PRR5: variants seen among roughly 807,000 people sequenced by gnomAD.
PRR5 encodes proline rich 5, also known as proline-rich protein 5.
A neutral mutation model predicts 30.6 loss-of-function variants in PRR5; 25 were observed. The observed-to-expected ratio is 0.82, with a 90% CI of 0.60 to 1.14. The LOEUF (loss-of-function observed/expected upper bound fraction) is 1.14, where lower values mean the gene tolerates loss of function less well. Ranked by LOEUF, PRR5 falls within the 50% of genes most tolerant of loss-of-function variation. The probability of loss-of-function intolerance (pLI) is 0.00; values close to 1 mark genes in which losing one functional copy is unlikely to be tolerated. For synonymous variants in PRR5, 286 were observed against 247.1 expected (o/e 1.16, Z -1.48); for missense variants, 600 against 547.1 (o/e 1.10, Z -0.96).
chr22:44,689,190 T>C (rs1371373722), intron 1 of PRR5, among the ~76,000 whole-genome samples: 1 of 152,136 alleles, frequency 6.6e-6, no homozygotes, highest in Non-Finnish European at 1.5e-5. Flanking sequence ...GACAATATAA[T>C]AATAACCCTC....
In PRR5 at chr22:44,702,559, G is replaced by A. The variant is rs1601991387; in HGVS notation, c.85G>A (p.Glu29Lys). 1.4e-6 allele frequency: 2 copies of A among 1,439,504 alleles called. No individual in the cohort carries two copies. The highest frequency in any genetic ancestry group is 3.0e-5 in the Admixed American group (1 of 33,170). The allele number at this position is 1,439,504 out of a possible 1,614,324, so 89.2% of individuals were successfully genotyped here. A position where few individuals can be genotyped will look rare whatever the true frequency, so the allele number is the denominator to read the frequency against. Residue 29 changes from glutamate to lysine, a missense_variant, in exon 1 of 8, where the codon GAG becomes AAG. Coordinates refer to ENST00000336985, the MANE Select transcript of PRR5 (RefSeq NM_181333.4). ...GAGAGAGCCGGCCGCCGCCGCGGAC[G>A]AGCGGGGCACGCAGCAGCGCCGGGC... ...GKREPAAAADERGTQQRRACA... is the reference protein window; with the variant it reads ...GKREPAAAADKRGTQQRRACA...
intron 1 of PRR5, among the ~76,000 whole-genome samples, chr22:44,696,011 C>A (rs924877559): frequency 6.7e-6 from 1 of 148,294 alleles, no homozygotes; most frequent in Admixed American, 6.9e-5. Flanking sequence ...GAAACCTCCA[C>A]CTCCCAGGTT....
chr22:44,680,726 AC>A, intron 1 of PRR5, among the ~76,000 whole-genome samples: 1 of 149,212 alleles, frequency 6.7e-6, no homozygotes, highest in African/African-American at 2.5e-5. Flanking sequence ...CTGGCCTGAG[AC>A]CCCCCCACAC....
In PRR5 at chr22:44,710,422, G is replaced by A. The variant is rs561029720; in HGVS notation, c.135-4169G>A. On this transcript the variant is annotated intron_variant, in intron 1 of 7. Transcript: ENST00000336985. Reference sequence around the variant, plus strand: ...GCTGGGGGGGCTTCCTAGAGGAGGCGGTCCACATCTGGACAAGGGAGGTCA... The same window carrying A: ...GCTGGGGGGGCTTCCTAGAGGAGGCAGTCCACATCTGGACAAGGGAGGTCA... Among the ~76,000 whole-genome samples, 170 of 152,252 alleles carry A rather than the reference G, an allele frequency of 1.1e-3. 1 individual carries two copies. The highest frequency in any genetic ancestry group is 3.4e-3 in the Middle Eastern group (1 of 294).
intron 1 of PRR5, among the ~76,000 whole-genome samples, chr22:44,707,016 C>A (rs1287299538): frequency 1.3e-5 from 2 of 152,206 alleles, no homozygotes; most frequent in African/African-American, 4.8e-5. Context: ...GTGTCCCCAT[C>A]GGGCTCTCCC....
rs1337910959 is a variant in PRR5 at position 44,735,041 on chromosome 22, C to T, written c.570C>T (p.Ser190=). 5 of 1,612,668 alleles carry T rather than the reference C, an allele frequency of 3.1e-6. No individual in the cohort carries two copies. Among genetic ancestry groups the T allele is most frequent in the Non-Finnish European group, 4.2e-6 (5 of 1,179,628 alleles). Residue 190 remains serine (S), a synonymous_variant, in exon 7 of 8, where the codon TCC becomes TCT. Coordinates refer to ENST00000336985, the MANE Select transcript of PRR5 (RefSeq NM_181333.4). ...MLLVLQGVHE[S]RGVTEDYLRL... ...CTCTCCTGCAGGGGGTACATGAGTC[C>T]AGGGGCGTGACTGAGGACTACCTGC...
intron 1 of PRR5, among the ~76,000 whole-genome samples, chr22:44,703,507 G>A (rs939231594): frequency 1.3e-5 from 2 of 152,188 alleles, no homozygotes; most frequent in Admixed American, 6.5e-5. Context: ...TGAGCGTCAT[G>A]GTGGGCTCAG....
At chr22:44,698,205 T>C (rs114892432), upstream of PRR5, among the ~76,000 whole-genome samples, 2,450 of 152,116 alleles carry the variant, frequency 0.016, 66 homozygotes, top group African/African-American at 0.055. Context: ...AGGGGGAGTT[T>C]GGAATGAGTT....
chr22:44,732,991 T>TGC (rs1271049218), intron 6 of PRR5, among the ~76,000 whole-genome samples: 1 of 147,312 alleles, frequency 6.8e-6, no homozygotes, highest in Non-Finnish European at 1.5e-5. Flanking sequence ...CACATACATG[T>TGC]GCGCGCACAC....
chr22:44,718,402 C>T (rs897442878), intron 2 of PRR5, among the ~76,000 whole-genome samples: 7 of 151,678 alleles, frequency 4.6e-5, no homozygotes, highest in African/African-American at 1.7e-4. Flanking sequence ...ACCATGTTGG[C>T]CAGGCTGGCC....
upstream of PRR5, among the ~76,000 whole-genome samples, chr22:44,674,175 G>A (rs1395614521): frequency 6.7e-6 from 1 of 148,158 alleles, no homozygotes; most frequent in Non-Finnish European, 1.5e-5. Flanking sequence ...TTTTTTTTTA[G>A]ACAGTGCCTT....
At chr22:44,669,876 C>T (rs1433835585) in intron 1 of PRR5, among the ~76,000 whole-genome samples, 1 of 152,054 alleles carries the variant, frequency 6.6e-6, no homozygotes, top group Non-Finnish European at 1.5e-5. Flanking sequence ...CGGGAGGGCG[C>T]CTCCCTGTGG....
Position 44,715,170 on chromosome 22 carries a change from A to G in PRR5, c.215+499A>G, listed in dbSNP as rs552633196. Among the ~76,000 whole-genome samples the G allele has an allele frequency of 9.9e-5, 15 of 152,252 alleles. No homozygotes were observed. In the South Asian group the frequency reaches 1.7e-3, roughly 17 times the overall value. On this transcript the variant is annotated intron_variant, in intron 2 of 7. Coordinates refer to ENST00000336985, the MANE Select transcript of PRR5 (RefSeq NM_181333.4). Reference sequence around the variant, plus strand: ...AAGCAGCAGGCTGGACACACACCCGACAAGCTGCTGCCCCAAGCCAGGTGG... The same window carrying G: ...AAGCAGCAGGCTGGACACACACCCGGCAAGCTGCTGCCCCAAGCCAGGTGG...
chr22:44,729,950 C>T (rs934489712), intron 4 of PRR5: 7 of 985,426 alleles, frequency 7.1e-6, no homozygotes, highest in Non-Finnish European at 7.2e-6. Context: ...CACAGTTCGG[C>T]GGGGCGGTGA....
chr22:44,695,802 T>C (rs1189480727), intron 1 of PRR5, among the ~76,000 whole-genome samples: 1 of 151,994 alleles, frequency 6.6e-6, no homozygotes, highest in Admixed American at 6.6e-5. Flanking sequence ...GGTTTCACCA[T>C]GTTGACTAGG....
At chr22:44,687,159 A>C (rs1376392680) in intron 1 of PRR5, among the ~76,000 whole-genome samples, 10 of 152,194 alleles carry the variant, frequency 6.6e-5, no homozygotes, top group African/African-American at 2.4e-4. Context: ...ATTGTTGCTG[A>C]TATAGAACAC....
intron 1 of PRR5, among the ~76,000 whole-genome samples, chr22:44,692,168 C>G (rs1601967686): frequency 6.6e-6 from 1 of 151,920 alleles, no homozygotes; most frequent in Non-Finnish European, 1.5e-5. Context: ...TCTCCTCCTC[C>G]TCCCGGGGCT....
chr22:44,695,923 CT>C (rs79228617), intron 1 of PRR5, among the ~76,000 whole-genome samples: 254 of 73,322 alleles, frequency 3.5e-3, no homozygotes, highest in Middle Eastern at 0.016. Context: ...ATTCTGACAA[CT>C]TTTTTTTTTT....
chr22:44,692,062 AG>A (rs961002007), intron 1 of PRR5, among the ~76,000 whole-genome samples: 1 of 152,108 alleles, frequency 6.6e-6, no homozygotes, highest in African/African-American at 2.4e-5. Flanking sequence ...CCTGCCTCCC[AG>A]GGCTGTTTGG....
Sources: gnomAD v4.1 joint callset for allele counts (sites outside exome capture counted in the v4.1 genomes callset) on GRCh38, gnomAD v4.1.1 for gene constraint, MANE v1.5 for transcripts, NCBI Gene and HGNC (gene_info 2026-07-23, HGNC 2026-07-21) for gene names.